The following NBAS variants were observed in gnomAD, a reference collection of about 807,000 sequenced individuals.
The protein encoded by NBAS is NBAS subunit of NRZ tethering complex, also known as NAG/BC035112 fusion.
Under a neutral mutation model 302.5 loss-of-function variants are expected in NBAS, and 219 were observed. The observed-to-expected ratio is 0.72, with a 90% confidence interval of 0.65 to 0.81. NBAS has a LOEUF of 0.81. Among genes scored for constraint, NBAS ranks in the 30% least tolerant of loss-of-function variants. NBAS has a pLI of 0.00. For synonymous variants in NBAS, 1,118 were observed against 1,021.6 expected (o/e 1.09, Z -1.80); for missense variants, 2,932 against 2,841.6 (o/e 1.03, Z -0.72).
the NBAS span, among the ~76,000 whole-genome samples, chr2:14,858,543 A>G: frequency 6.6e-6 from 1 of 152,094 alleles, no homozygotes; most frequent in African/African-American, 2.4e-5. Context: ...ATTATGTTTA[A>G]GTGAAATAAG....
intron 35 of NBAS, among the ~76,000 whole-genome samples, chr2:15,349,256 A>T (rs549091494): frequency 2.6e-5 from 4 of 152,236 alleles, no homozygotes; most frequent in Non-Finnish European, 5.9e-5. Flanking sequence ...CATGAAAACT[A>T]GGTCTTCAAT....
intron 44 of NBAS, among the ~76,000 whole-genome samples, chr2:15,271,024 C>T (rs1216720810): frequency 6.6e-6 from 1 of 152,220 alleles, no homozygotes; most frequent in Non-Finnish European, 1.5e-5. Flanking sequence ...CCTGAAGTTA[C>T]AGCTACAATG....
the NBAS span, among the ~76,000 whole-genome samples, chr2:15,103,042 G>T: frequency 1.8e-5 from 2 of 109,902 alleles, no homozygotes; most frequent in African/African-American, 8.6e-5. Flanking sequence ...GAGGGTCGGA[G>T]GGAGGGAGGG....
chr2:15,303,400 G>T (rs990701045), intron 40 of NBAS, among the ~76,000 whole-genome samples: 1 of 152,268 alleles, frequency 6.6e-6, no homozygotes, highest in East Asian at 1.9e-4. Flanking sequence ...TGATAAAAGG[G>T]TACACAAAAT....
chr2:15,073,033 G>T, the NBAS span, among the ~76,000 whole-genome samples: 1 of 152,144 alleles, frequency 6.6e-6, no homozygotes, highest in African/African-American at 2.4e-5. Flanking sequence ...GGAGGCTGGA[G>T]AACTGCTTAA....
At chr2:14,798,987 T>C in the NBAS span, among the ~76,000 whole-genome samples, 1 of 152,092 alleles carries the variant, frequency 6.6e-6, no homozygotes, top group Non-Finnish European at 1.5e-5. Context: ...ATAAATGCTG[T>C]AATATGCTCA....
intron 48 of NBAS, among the ~76,000 whole-genome samples, chr2:15,202,264 A>G (rs936682918): frequency 3.3e-5 from 5 of 152,190 alleles, no homozygotes; most frequent in African/African-American, 1.2e-4. Flanking sequence ...TACTTATTTT[A>G]TTATACCTGT....
the NBAS span, among the ~76,000 whole-genome samples, chr2:14,932,976 C>T: frequency 6.6e-6 from 1 of 152,196 alleles, no homozygotes; most frequent in African/African-American, 2.4e-5. Context: ...CAGCTACCTG[C>T]AAGCTATTTT....
At chr2:14,815,784 A>G in the NBAS span, among the ~76,000 whole-genome samples, 1 of 152,084 alleles carries the variant, frequency 6.6e-6, no homozygotes, top group East Asian at 1.9e-4. Context: ...CTAAAACTCA[A>G]TTCCTCACAC....
At position 15,449,554 on chromosome 2, in the gene NBAS, A is replaced by T. The variant is rs537271410; in HGVS notation, c.2339+11647T>A. 2.1e-4 allele frequency among the ~76,000 whole-genome samples: 32 copies of T among 151,914 alleles called. 2 individuals are homozygous for T. The South Asian group carries it at 6.0e-3, about 29-fold the overall frequency. On this transcript the variant is annotated intron_variant, in intron 21 of 51. Coordinates refer to ENST00000281513, the MANE Select transcript of NBAS (RefSeq NM_015909.4). ...AAAAAACTACTCTGAAATAATACTG[A>T]CTTACACCTTCTTAATCAGAGAACT...
rs10694616 is a variant in NBAS at position 15,468,147 on chromosome 2, T to TAATA, written c.1877+234_1877+235insTATT. On this transcript the variant is annotated intron_variant, in intron 17 of 51. Coordinates refer to ENST00000281513, the MANE Select transcript of NBAS (RefSeq NM_015909.4). ...ACTTCTACTTAAGGTCTTCAAATGG[T>TAATA]AGTGTCAGTCTCATTTTAATTATTT... is the stretch of plus-strand genomic sequence containing the variant. Among the ~76,000 whole-genome samples the TAATA allele has an allele frequency of 0.61, 91,907 of 151,680 alleles. 28,778 individuals are homozygous for TAATA. Among genetic ancestry groups the TAATA allele is most frequent in the Non-Finnish European group, 0.68 (45,899 of 67,856 alleles).
chr2:14,997,913 C>T, the NBAS span, among the ~76,000 whole-genome samples: 1 of 152,206 alleles, frequency 6.6e-6, no homozygotes, highest in Non-Finnish European at 1.5e-5. Flanking sequence ...GGGGCAACCT[C>T]TGTTAGGTGA....
chr2:15,220,726 G>A (rs1666912502), intron 47 of NBAS, among the ~76,000 whole-genome samples: 1 of 152,168 alleles, frequency 6.6e-6, no homozygotes, highest in Admixed American at 6.5e-5. Flanking sequence ...GGAGATCCAT[G>A]CTAAAGCACT....
chr2:15,069,335 G>A, the NBAS span, among the ~76,000 whole-genome samples: 9 of 152,270 alleles, frequency 5.9e-5, no homozygotes, highest in South Asian at 4.2e-4. Context: ...GCAGTGAAGC[G>A]GCTTTGGAAA....
At chr2:15,091,847 T>A in the NBAS span, among the ~76,000 whole-genome samples, 51 of 152,356 alleles carry the variant, frequency 3.3e-4, no homozygotes, top group South Asian at 9.3e-3. Context: ...TGTGTTTTTT[T>A]AAAATAATAT....
chr2:14,966,803 A>G, the NBAS span, among the ~76,000 whole-genome samples: 1 of 151,694 alleles, frequency 6.6e-6, no homozygotes, highest in African/African-American at 2.4e-5. Context: ...TCTTTAGGGC[A>G]ATAACTTAAG....
chr2:14,837,180 C>A, the NBAS span, among the ~76,000 whole-genome samples: 1 of 151,712 alleles, frequency 6.6e-6, no homozygotes. Context: ...ACTAGCTAGA[C>A]CTCTCAGGAT....
At chr2:14,785,998 AG>A in the NBAS span, among the ~76,000 whole-genome samples, 231 of 152,212 alleles carry the variant, frequency 1.5e-3, 1 homozygote, top group African/African-American at 5.2e-3. Context: ...TCAATTTCAG[AG>A]CCTGTTATTG....
At chr2:14,941,844 T>C in the NBAS span, among the ~76,000 whole-genome samples, 1 of 152,236 alleles carries the variant, frequency 6.6e-6, no homozygotes, top group Non-Finnish European at 1.5e-5. Flanking sequence ...TCTGCTTTCT[T>C]GACTGACTTC....
Sources: gnomAD v4.1 joint callset for allele counts (sites outside exome capture counted in the v4.1 genomes callset) on GRCh38, gnomAD v4.1.1 for gene constraint, MANE v1.5 for transcripts, NCBI Gene and HGNC (gene_info 2026-07-23, HGNC 2026-07-21) for gene names.